The following RRM1 variants were observed in gnomAD, a reference collection of about 807,000 sequenced individuals.
The protein encoded by RRM1 is ribonucleoside-diphosphate reductase large subunit.
A neutral mutation model predicts 101.5 loss-of-function variants in RRM1; 19 were observed. The observed-to-expected ratio is 0.19, with a 90% CI of 0.13 to 0.27. RRM1 has a LOEUF of 0.27. RRM1 is among the 10% of genes least tolerant of loss of function. The pLI is 1.00. For synonymous variants in RRM1, 298 were observed against 323.4 expected (o/e 0.92, Z 0.84); for missense variants, 500 against 962.9 (o/e 0.52, Z 6.36).
intron 7 of RRM1, chr11:4,115,944 C>T (rs1385755753): frequency 6.6e-6 from 1 of 152,126 alleles, no homozygotes; most frequent in African/African-American, 2.4e-5. Context: ...AAATTGACTA[C>T]AATTAAAAAC....
In RRM1 at chr11:4,095,046, A is replaced by G; in HGVS notation, c.19+15A>G. ...GATCAAGCGAGGTGAGGGGGGGACG[A>G]GGTGGGCGAGAAGGAAGGTGAGGGG... is the stretch of plus-strand genomic sequence containing the variant. On this transcript the variant is annotated intron_variant, in intron 1 of 18. Transcript: ENST00000300738. 2 of 1,567,306 alleles carry G rather than the reference A, an allele frequency of 1.3e-6. No individual in the cohort carries two copies. The highest frequency in any genetic ancestry group is 1.7e-6 in the Non-Finnish European group (2 of 1,156,358).
At chr11:4,116,763 A>G (rs1384624805) in intron 7 of RRM1, among the ~76,000 whole-genome samples, 1 of 151,686 alleles carries the variant, frequency 6.6e-6, no homozygotes, top group Non-Finnish European at 1.5e-5. Context: ...TGAGGGCAGA[A>G]TTTGAAACCA....
At chr11:4,101,564 C>CACA in intron 1 of RRM1, among the ~76,000 whole-genome samples, 1 of 114,880 alleles carries the variant, frequency 8.7e-6, no homozygotes, top group East Asian at 2.9e-4. Context: ...TCCACACCCC[C>CACA]CCCCGCTCCC....
chr11:4,094,801 C>T lies in RRM1; in HGVS notation c.-212C>T. On this transcript the variant is annotated 5_prime_UTR_variant, in exon 1 of 19. Coordinates refer to ENST00000300738, the MANE Select transcript of RRM1 (RefSeq NM_001033.5). Reference sequence around the variant, plus strand: ...ACGTCATTCGAACCCCGTCGCGCCCCTTTGTGCGTCACGGGTGGCGGGCGC... The same window carrying T: ...ACGTCATTCGAACCCCGTCGCGCCCTTTTGTGCGTCACGGGTGGCGGGCGC... 3.3e-6 allele frequency: 2 copies of T among 604,706 alleles called. No homozygotes were observed. Among genetic ancestry groups the T allele is most frequent in the South Asian group, 3.9e-5 (2 of 51,128 alleles). The allele number at this position is 604,706 out of a possible 1,614,324, so 37.5% of individuals were successfully genotyped here.
Position 4,117,869 on chromosome 11 carries a change from G to A in RRM1, c.651-451G>A, listed in dbSNP as rs900833417. ...TAAAGGGGTTGTCTTTAAAAAGACT[G>A]TAAAGGAGCTATGATTTTGGTAGAC... On this transcript the variant is annotated intron_variant, in intron 7 of 18. Coordinates refer to ENST00000300738, the MANE Select transcript of RRM1 (RefSeq NM_001033.5). 1.1e-4 allele frequency among the ~76,000 whole-genome samples: 16 copies of A among 152,316 alleles called. No individual in the cohort carries two copies. The South Asian group carries it at 1.4e-3, about 14-fold the overall frequency.
intron 7 of RRM1, chr11:4,115,957 C>A (rs540033130): frequency 6.6e-5 from 10 of 152,332 alleles, no homozygotes; most frequent in African/African-American, 2.4e-4. Context: ...TTAAAAACTT[C>A]TGTGTGAAAG....
upstream of RRM1, chr11:4,094,725 C>T (rs1270862290): frequency 5.5e-6 from 3 of 541,376 alleles, no homozygotes; most frequent in Admixed American, 6.3e-5. Context: ...GGCTACACGT[C>T]GCCTGTCAGT....
In RRM1 at chr11:4,111,630, C is replaced by A. The variant is rs1229942691; in HGVS notation, c.477C>A (p.Ile159=). The change falls in exon 6 of 19, where the codon ATC becomes ATA. Residue 159 remains isoleucine, a synonymous_variant. Transcript: ENST00000300738. ...KTLERSYLLK[I]NGKVAERPQH... ...TAGAGCGGTCTTATTTGTTGAAGAT[C>A]AATGGAAAAGGTGAGAAATGAACAT... 1 of 1,604,088 alleles carries A rather than the reference C, an allele frequency of 6.2e-7. No individual in the cohort carries two copies. The highest frequency in any genetic ancestry group is 1.1e-5 in the South Asian group (1 of 88,568).
In RRM1 at chr11:4,123,199, C is replaced by A. The variant is rs897536368; in HGVS notation, c.1135C>A (p.Arg379Ser). The A allele has an allele frequency of 6.2e-7, 1 of 1,613,830 alleles. No homozygotes were observed. Among genetic ancestry groups the A allele is most frequent in the South Asian group, 1.1e-5 (1 of 91,050 alleles). ...KLYASYEKQGRVRKVVKAQQL... is the reference protein window; with the variant it reads ...KLYASYEKQGSVRKVVKAQQL... Reference sequence around the variant, plus strand: ...GCCTTTCAGTTATGAGAAACAAGGTCGTGTCCGCAAAGTTGTAAAAGCTCA... The same window carrying A: ...GCCTTTCAGTTATGAGAAACAAGGTAGTGTCCGCAAAGTTGTAAAAGCTCA... The change falls in exon 12 of 19, where the codon CGT (arginine) becomes AGT (serine). Residue 379 changes from arginine (R) to serine (S), a missense_variant. Arg to Ser is a moderately radical substitution (Grantham distance 110). Coordinates refer to ENST00000300738, the MANE Select transcript of RRM1 (RefSeq NM_001033.5).
At chr11:4,120,002 A>C (rs1013217123) in intron 9 of RRM1, 74 bp downstream of exon 9, 2 of 862,306 alleles carry the variant, frequency 2.3e-6, no homozygotes, top group African/African-American at 3.3e-5. Context: ...AAGATGGTTC[A>C]TTTATGTGTA....
At chr11:4,134,007 G>A (rs1319270226) in intron 17 of RRM1, among the ~76,000 whole-genome samples, 1 of 36,386 alleles carries the variant, frequency 2.7e-5, no homozygotes, top group Non-Finnish European at 5.2e-5. Context: ...TTTTTTTTGA[G>A]ACGAAGTCTC....
At chr11:4,119,619 A>G (rs2094578641) in intron 8 of RRM1, 1 of 466,534 alleles carries the variant, frequency 2.1e-6, no homozygotes, top group Non-Finnish European at 3.8e-6. Flanking sequence ...TCTCATTATA[A>G]ATTAGAAATG....
intron 1 of RRM1, among the ~76,000 whole-genome samples, chr11:4,098,103 A>G (rs560244989): frequency 6.6e-6 from 1 of 152,328 alleles, no homozygotes; most frequent in Non-Finnish European, 1.5e-5. Flanking sequence ...TTAGTGTAGT[A>G]TTTTCAAAAC....
At chr11:4,100,984 G>A (rs1239439569) in intron 1 of RRM1, among the ~76,000 whole-genome samples, 2 of 152,058 alleles carry the variant, frequency 1.3e-5, no homozygotes, top group South Asian at 2.1e-4. Context: ...AGACTTTTTT[G>A]TCTAGAAGGA....
At chr11:4,099,011 A>C (rs1276549116) in intron 1 of RRM1, among the ~76,000 whole-genome samples, 1 of 152,212 alleles carries the variant, frequency 6.6e-6, no homozygotes, top group Non-Finnish European at 1.5e-5. Flanking sequence ...GGGAATTAGA[A>C]AGTTTGTATC....
chr11:4,124,895 T>C (rs2094587094), intron 12 of RRM1, among the ~76,000 whole-genome samples: 1 of 150,564 alleles, frequency 6.6e-6, no homozygotes, highest in Non-Finnish European at 1.5e-5. Flanking sequence ...ATTACCACTA[T>C]CTAATTGTAG....
chr11:4,135,062 A>T lies in RRM1; in HGVS notation c.2002-20A>T, dbSNP rs199726175. On this transcript the variant is annotated intron_variant, in intron 17 of 18. Coordinates refer to ENST00000300738, the MANE Select transcript of RRM1 (RefSeq NM_001033.5). ...TTTCTTTAACTGGAGTAAAGTAAACATTGGGTTTTCCTTCTTTAGAGCATA... is the reference window on the plus strand; with the variant it reads ...TTTCTTTAACTGGAGTAAAGTAAACTTTGGGTTTTCCTTCTTTAGAGCATA... 6.4e-7 allele frequency: 1 copy of T among 1,572,514 alleles called. No individual in the cohort carries two copies. Among genetic ancestry groups the T allele is most frequent in the East Asian group, 2.3e-5 (1 of 44,406 alleles).
Position 4,094,940 on chromosome 11 carries a change from C to T in RRM1, c.-73C>T. 1 of 1,521,608 alleles carries T rather than the reference C, an allele frequency of 6.6e-7. No individual in the cohort carries two copies. 94.3% of individuals were successfully genotyped at this position (1,521,608 alleles called of 1,614,324 possible). On this transcript the variant is annotated 5_prime_UTR_variant, in exon 1 of 19. Coordinates refer to ENST00000300738, the MANE Select transcript of RRM1 (RefSeq NM_001033.5). ...AACCTAACCCTTCCCACTCTGTCAC[C>T]TTCTCGATCCCGCCGGCGCTTTAGA...
rs1453596289 is a variant in RRM1 at position 4,118,303 on chromosome 11, C to T, written c.651-17C>T. 2 of 1,600,818 alleles carry T rather than the reference C, an allele frequency of 1.2e-6. No homozygotes were observed. The highest frequency in any genetic ancestry group is 1.7e-6 in the Non-Finnish European group (2 of 1,172,040). Reference sequence around the variant, plus strand: ...TTCATTTCCTTGCTCTAAGTTGAGACATTTTTTCCCCCGTAGCTGTTTTCT... The same window carrying T: ...TTCATTTCCTTGCTCTAAGTTGAGATATTTTTTCCCCCGTAGCTGTTTTCT... On this transcript the variant is annotated splice_polypyrimidine_tract_variant and intron_variant, in intron 7 of 18. Transcript: ENST00000300738.
Sources: allele counts gnomAD v4.1 joint callset (sites outside exome capture counted in the v4.1 genomes callset), GRCh38; gene constraint gnomAD v4.1.1; transcripts MANE v1.5; gene names NCBI Gene and HGNC (gene_info 2026-07-23, HGNC 2026-07-21).